Variants in RREB1 observed in about 807,000 individuals in gnomAD.
The protein encoded by RREB1 is ras-responsive element-binding protein 1.
Under a neutral mutation model 117.8 loss-of-function variants are expected in RREB1, and 27 were observed. The ratio of observed to expected loss-of-function variants is 0.23; its 90% CI spans 0.17 to 0.32. RREB1 has a LOEUF of 0.32. Ranked by LOEUF, RREB1 falls within the 10% of genes least tolerant of loss-of-function variation. The pLI, the probability that RREB1 is intolerant of heterozygous loss-of-function variation, is 1.00. For synonymous variants in RREB1, 1,298 were observed against 1,026.7 expected, an observed-to-expected ratio of 1.26 and a Z score of -5.05; for missense variants, 2,577 against 2,378.2, an observed-to-expected ratio of 1.08 and a Z score of -1.74.
At chr6:7,132,198 G>A (rs1762183990) in intron 1 of RREB1, among the ~76,000 whole-genome samples, 1 of 152,118 alleles carries the variant, frequency 6.6e-6, no homozygotes, top group Admixed American at 6.5e-5. Context: ...GGGATTACAG[G>A]CATGCGCCAC....
intron 6 of RREB1, among the ~76,000 whole-genome samples, chr6:7,192,217 G>C (rs191107051): frequency 1.4e-5 from 2 of 138,878 alleles, no homozygotes; most frequent in African/African-American, 5.4e-5. Context: ...TTTTGAGATA[G>C]AGTCTCATTC....
At position 7,248,587 on chromosome 6, in the gene RREB1, C is replaced by T. The variant is rs374502214; in HGVS notation, c.4848C>T (p.Ile1616=). The change falls in exon 13 of 13, where the codon ATC becomes ATT. Residue 1616 remains isoleucine, a synonymous_variant. Coordinates refer to ENST00000379938, the MANE Select transcript of RREB1 (RefSeq NM_001003699.4). ...ACAGCCTGGTTCGCCACCAGCGGAT[C>T]CACCAGAAAGCCAGGCATGCCAAAC... ...LKHSLVRHQR[I]HQKARHAKHH... 20 of 1,614,150 alleles carry T rather than the reference C, an allele frequency of 1.2e-5. No homozygotes were observed. The highest frequency in any genetic ancestry group is 1.6e-4 in the Middle Eastern group (1 of 6,084).
intron 10 of RREB1, among the ~76,000 whole-genome samples, chr6:7,237,100 T>A (rs916914588): frequency 2.0e-5 from 3 of 151,970 alleles, no homozygotes; most frequent in Non-Finnish European, 2.9e-5. Context: ...TTTTTTTATT[T>A]TTTGAGACAA....
chr6:7,189,055 A>G, intron 5 of RREB1, 104 bp from the exon 6 acceptor site: 1 of 1,130,786 alleles, frequency 8.8e-7, no homozygotes, highest in South Asian at 1.7e-5. Context: ...CATAGCCAAG[A>G]AAGTTGATTG....
chr6:7,249,079 GAGAGAGAGAGAGA>G lies in RREB1; in HGVS notation c.*112_*124del. 1 of 737,022 alleles carries G rather than the reference GAGAGAGAGAGAGA, an allele frequency of 1.4e-6. No individual in the cohort carries two copies. Among genetic ancestry groups the G allele is most frequent in the South Asian group, 2.0e-5 (1 of 49,056 alleles). 45.7% of individuals were successfully genotyped at this position (737,022 alleles called of 1,614,324 possible). A position where few individuals can be genotyped will look rare whatever the true frequency, so the allele number is the denominator to read the frequency against. On this transcript the variant is annotated 3_prime_UTR_variant, in exon 13 of 13. Transcript: ENST00000379938. ...TTGAGGAGTGAGAGAGAGAGAGAGAGAGAGAGAGAGAGAGAGAGAGAGAGACAAGCAGGAGCGT... is the reference window on the plus strand; with the variant it reads ...TTGAGGAGTGAGAGAGAGAGAGAGAGGAGAGAGAGAGACAAGCAGGAGCGT...
chr6:7,142,406 GCCTGC>G (rs1762646745), intron 1 of RREB1, among the ~76,000 whole-genome samples: 1 of 152,072 alleles, frequency 6.6e-6, no homozygotes, highest in Non-Finnish European at 1.5e-5. Flanking sequence ...GTGTCCTCCC[GCCTGC>G]CCTCGGTGTC....
At chr6:7,240,206 A>C (rs1331339355) in intron 10 of RREB1, among the ~76,000 whole-genome samples, 1 of 151,268 alleles carries the variant, frequency 6.6e-6, no homozygotes, top group Non-Finnish European at 1.5e-5. Flanking sequence ...AGTTTCATTT[A>C]TTTTAGTATT....
At chr6:7,153,114 T>G (rs1763194821) in intron 1 of RREB1, among the ~76,000 whole-genome samples, 1 of 151,498 alleles carries the variant, frequency 6.6e-6, no homozygotes, top group Non-Finnish European at 1.5e-5. Context: ...GGTTTTTTTT[T>G]TTTTTTTTTT....
intron 4 of RREB1, chr6:7,185,357 G>T (rs1380730797): frequency 6.6e-6 from 1 of 152,158 alleles, no homozygotes; most frequent in Non-Finnish European, 1.5e-5. Context: ...ATCACCTGAG[G>T]TCGGGAGTTT....
At chr6:7,199,507 G>C (rs1000367843) in intron 6 of RREB1, among the ~76,000 whole-genome samples, 1 of 152,154 alleles carries the variant, frequency 6.6e-6, no homozygotes, top group Admixed American at 6.5e-5. Context: ...TGGTAACAGT[G>C]CTGTGTATCA....
chr6:7,129,354 C>G (rs1335473446), intron 1 of RREB1, among the ~76,000 whole-genome samples: 1 of 152,168 alleles, frequency 6.6e-6, no homozygotes, highest in East Asian at 1.9e-4. Flanking sequence ...TTGACCTTTT[C>G]TTCTTAATTT....
chr6:7,200,218 GTATATA>G (rs764764289), intron 6 of RREB1, among the ~76,000 whole-genome samples: 1 of 145,798 alleles, frequency 6.9e-6, no homozygotes, highest in African/African-American at 2.5e-5. Flanking sequence ...GTATGTGTGT[GTATATA>G]TATATATGTA....
At chr6:7,205,911 G>C (rs1373164313) in intron 6 of RREB1, among the ~76,000 whole-genome samples, 1 of 152,182 alleles carries the variant, frequency 6.6e-6, no homozygotes, top group African/African-American at 2.4e-5. Context: ...GTAGGCTCCA[G>C]TTGTGCCAAA....
chr6:7,114,459 T>G (rs1400166777), intron 1 of RREB1, among the ~76,000 whole-genome samples: 1 of 97,882 alleles, frequency 1.0e-5, no homozygotes, highest in Non-Finnish European at 2.4e-5. Flanking sequence ...CATTTTTAAG[T>G]GTTTCTGGTG....
At chr6:7,142,050 A>T (rs1200239710) in intron 1 of RREB1, among the ~76,000 whole-genome samples, 2 of 128,856 alleles carry the variant, frequency 1.6e-5, no homozygotes, top group Non-Finnish European at 3.4e-5. Flanking sequence ...CGTCTGTACT[A>T]AAAAAAATAC....
intron 2 of RREB1, among the ~76,000 whole-genome samples, chr6:7,178,577 C>T (rs962996060): frequency 6.6e-6 from 1 of 152,236 alleles, no homozygotes; most frequent in Non-Finnish European, 1.5e-5. Context: ...AAATAGAAGA[C>T]ATAAGAACAA....
intron 12 of RREB1, 149 bp from the exon 13 acceptor site, chr6:7,248,362 C>T (rs1769231632): frequency 1.5e-6 from 1 of 647,912 alleles, no homozygotes; most frequent in Non-Finnish European, 2.7e-6. Context: ...CCTCAGTTTG[C>T]TGGTTCAAGG....
At chr6:7,225,454 G>A (rs368329334) in intron 8 of RREB1, among the ~76,000 whole-genome samples, 52 of 152,234 alleles carry the variant, frequency 3.4e-4, no homozygotes, top group African/African-American at 9.6e-4. Flanking sequence ...ATACCATAAC[G>A]ATGGTATTTT....
At chr6:7,132,363 GT>G (rs1762190085) in intron 1 of RREB1, among the ~76,000 whole-genome samples, 2 of 111,072 alleles carry the variant, frequency 1.8e-5, no homozygotes, top group African/African-American at 5.1e-5. Flanking sequence ...CCGAGATTGG[GT>G]TTTACTGTGT....
Sources: gnomAD v4.1 joint callset for allele counts (sites outside exome capture counted in the v4.1 genomes callset) on GRCh38, gnomAD v4.1.1 for gene constraint, MANE v1.5 for transcripts, NCBI Gene and HGNC (gene_info 2026-07-23, HGNC 2026-07-21) for gene names.